The following CLTCL1 variants were observed in gnomAD, a reference collection of about 807,000 sequenced individuals.
The protein encoded by CLTCL1 is clathrin heavy chain like 1.
A neutral mutation model predicts 190.0 loss-of-function variants in CLTCL1; 159 were observed. The observed-to-expected ratio is 0.84, with a 90% CI of 0.74 to 0.95. The LOEUF (loss-of-function observed/expected upper bound fraction) is 0.95, where lower values mean the gene tolerates loss of function less well. CLTCL1 is among the 40% of genes least tolerant of loss of function. The probability of loss-of-function intolerance (pLI) is 0.00; values close to 1 mark genes in which losing one functional copy is unlikely to be tolerated. For missense variants in CLTCL1, 1,878 were observed against 2,033.4 expected, an observed-to-expected ratio of 0.92 and a Z score of 1.47; for synonymous variants, 752 against 769.6, an observed-to-expected ratio of 0.98 and a Z score of 0.38.
chr22:19,196,616 G>A lies in CLTCL1; in HGVS notation c.3914C>T (p.Ala1305Val), dbSNP rs782103755. ...YFEELILLLE[A>V]ALGLERAHMG... The stretch of plus-strand genomic sequence containing the variant: ...GTGGGCCCGCTCCAGGCCCAGGGCC[G>A]CTTCCAACAGCAAGATCAGCTCCTC... Residue 1305 changes from alanine to valine, a missense_variant, in exon 25 of 33, where the codon GCG becomes GTG. By Grantham distance (64) the Ala-to-Val change is moderately conservative. Transcript: ENST00000427926. 36 of 1,613,296 alleles carry A rather than the reference G, an allele frequency of 2.2e-5. No individual in the cohort carries two copies. Among genetic ancestry groups the A allele is most frequent in the Admixed American group, 5.0e-5 (3 of 59,880 alleles).
intron 1 of CLTCL1, among the ~76,000 whole-genome samples, chr22:19,286,685 C>T (rs782435308): frequency 3.3e-5 from 5 of 152,112 alleles, no homozygotes; most frequent in Non-Finnish European, 7.4e-5. Flanking sequence ...TTTACTTTCC[C>T]CCCTCTTTCC....
intron 27 of CLTCL1, among the ~76,000 whole-genome samples, chr22:19,188,579 G>A (rs2084389288): frequency 6.6e-6 from 1 of 151,144 alleles, no homozygotes; most frequent in African/African-American, 2.4e-5. Context: ...AGTGGTGGCT[G>A]TTGAAGGCTG....
chr22:19,205,731 T>C (rs2085027660), intron 22 of CLTCL1, among the ~76,000 whole-genome samples: 1 of 152,222 alleles, frequency 6.6e-6, no homozygotes, highest in African/African-American at 2.4e-5. Context: ...ACTGATATTT[T>C]CCTTTATGCT....
intron 2 of CLTCL1, chr22:19,258,862 G>A: frequency 2.0e-6 from 1 of 510,126 alleles, no homozygotes; most frequent in Non-Finnish European, 3.6e-6. Context: ...AAGTTCACAG[G>A]TTAAAAAAAA....
chr22:19,199,884 A>ACAG, intron 23 of CLTCL1, 43 bp from the exon 24 acceptor site: 1 of 1,308,484 alleles, frequency 7.6e-7, no homozygotes, highest in Non-Finnish European at 1.1e-6. Context: ...AAGACAGGAC[A>ACAG]CAGCACCACA....
In CLTCL1 at chr22:19,234,592, T is replaced by G. The variant is rs1369200450; in HGVS notation, c.1084A>C (p.Lys362Gln). ...GTATTGAATTTTCTCACAAACAACT[T>G]CTCTGCCCCAGCCAGGTTACTACGA... is the stretch of plus-strand genomic sequence containing the variant. ...AVRSNLAGAE[K>Q]LFVRKFNTLF... Residue 362 changes from lysine to glutamine, a missense_variant, in exon 7 of 33, where the codon AAG becomes CAG. Coordinates refer to ENST00000427926, the MANE Select transcript of CLTCL1 (RefSeq NM_007098.4). 1.2e-6 allele frequency: 2 copies of G among 1,613,878 alleles called. No individual in the cohort carries two copies. Among genetic ancestry groups the G allele is most frequent in the East Asian group, 4.5e-5 (2 of 44,898 alleles).
chr22:19,243,424 T>C (rs565505449), intron 3 of CLTCL1, among the ~76,000 whole-genome samples: 19 of 152,156 alleles, frequency 1.2e-4, no homozygotes, highest in African/African-American at 3.9e-4. Flanking sequence ...TCAAGACTAG[T>C]CTGGGCAACA....
chr22:19,189,307 A>C (rs1461780382), intron 27 of CLTCL1, among the ~76,000 whole-genome samples: 1 of 152,266 alleles, frequency 6.6e-6, no homozygotes, highest in African/African-American at 2.4e-5. Context: ...AAAATAAACT[A>C]AACAAACAAA....
rs782064934 is a variant in CLTCL1 at position 19,224,098 on chromosome 22, C to G, written c.2129-44G>C. The G allele has an allele frequency of 5.6e-6, 9 of 1,604,514 alleles. No homozygotes were observed. In the Admixed American group the frequency reaches 1.0e-4, roughly 18 times the overall value. ...CCATTTTTGTCCTTGTAACACCTGC[C>G]TGTCTCCTCCGTAGCTGCTGCCCAC... On this transcript the variant is annotated intron_variant, in intron 13 of 32. Transcript: ENST00000427926.
chr22:19,188,081 A>G lies in CLTCL1; in HGVS notation c.4334T>C (p.Leu1445Pro). 1.2e-6 allele frequency: 2 copies of G among 1,614,024 alleles called. No homozygotes were observed. The highest frequency in any genetic ancestry group is 1.7e-6 in the Non-Finnish European group (2 of 1,179,866). Residue 1445 changes from leucine to proline, a missense_variant, in exon 28 of 33, where the codon CTG becomes CCG. By Grantham distance (98) the Leu-to-Pro change is moderately conservative. Transcript: ENST00000427926. ...CCGCAGGTAAGGCTTCACCAGGGGC[A>G]GCTGACCTGCCTGACAAGTTGAGGG... ...TVSFFSKAGQ[L>P]PLVKPYLRSV...
At chr22:19,218,673 A>G (rs2085468250) in intron 18 of CLTCL1, among the ~76,000 whole-genome samples, 1 of 152,172 alleles carries the variant, frequency 6.6e-6, no homozygotes, top group South Asian at 2.1e-4. Context: ...CCCCACCCCT[A>G]AACAGTCTGC....
intron 22 of CLTCL1, among the ~76,000 whole-genome samples, chr22:19,203,693 C>T (rs549891001): frequency 8.5e-5 from 13 of 152,298 alleles, no homozygotes; most frequent in African/African-American, 2.4e-4. Context: ...ACACAGGTGG[C>T]GGCTGTGGGT....
rs782090988 is a variant in CLTCL1, at chr22:19,183,624, C to T, written c.4606-13G>A. 1 of 1,612,424 alleles carries T rather than the reference C, an allele frequency of 6.2e-7. No homozygotes were observed. Among genetic ancestry groups the T allele is most frequent in the South Asian group, 1.1e-5 (1 of 90,996 alleles). ...GCTGCATGGCATCCTGCAGCCAAGG[C>T]AAATGCTTGCTTGGGCATCCTGCAG... On this transcript the variant is annotated splice_polypyrimidine_tract_variant and intron_variant, in intron 29 of 32. Transcript: ENST00000427926.
At chr22:19,218,887 C>G (rs914738466) in intron 18 of CLTCL1, among the ~76,000 whole-genome samples, 1 of 152,182 alleles carries the variant, frequency 6.6e-6, no homozygotes, top group Non-Finnish European at 1.5e-5. Flanking sequence ...TGGATAGTCA[C>G]AGGGGCATAA....
At chr22:19,261,575 T>G (rs1555975641) in intron 2 of CLTCL1, among the ~76,000 whole-genome samples, 1 of 152,110 alleles carries the variant, frequency 6.6e-6, no homozygotes, top group African/African-American at 2.4e-5. Flanking sequence ...TAACAGGAAT[T>G]TGGAAGAAGT....
intron 2 of CLTCL1, among the ~76,000 whole-genome samples, chr22:19,271,882 G>A (rs1281377865): frequency 6.6e-6 from 1 of 152,156 alleles, no homozygotes; most frequent in African/African-American, 2.4e-5. Context: ...TGAGGTGAGA[G>A]GATCATTTTA....
At chr22:19,248,453 T>C (rs1555968788) in intron 3 of CLTCL1, among the ~76,000 whole-genome samples, 1 of 152,174 alleles carries the variant, frequency 6.6e-6, no homozygotes. Context: ...TACCATCCAA[T>C]GTTTCTTCGT....
intron 2 of CLTCL1, among the ~76,000 whole-genome samples, chr22:19,256,613 CT>C (rs1555972698): frequency 2.6e-5 from 4 of 151,972 alleles, no homozygotes. Context: ...CTGCCTCAGC[CT>C]CCCAAAGTGC....
At chr22:19,186,605 C>CT (rs1207948444) in intron 29 of CLTCL1, among the ~76,000 whole-genome samples, 7 of 102,220 alleles carry the variant, frequency 6.8e-5, no homozygotes, top group South Asian at 8.0e-4. Context: ...TATTTTTTTC[C>CT]TTTTTTTTTT....
Sources: allele counts gnomAD v4.1 joint callset (sites outside exome capture counted in the v4.1 genomes callset), GRCh38; gene constraint gnomAD v4.1.1; transcripts MANE v1.5; gene names NCBI Gene and HGNC (gene_info 2026-07-23, HGNC 2026-07-21).